The following DGKI variants were observed in gnomAD, a reference collection of about 807,000 sequenced individuals.
The protein encoded by DGKI is DAG kinase iota.
Under a neutral mutation model 147.5 loss-of-function variants are expected in DGKI, and 55 were observed. That is an observed-to-expected ratio of 0.37 (90% confidence interval 0.30 to 0.47). The LOEUF (loss-of-function observed/expected upper bound fraction) is 0.47. DGKI is among the 20% of genes least tolerant of loss of function. The probability of loss-of-function intolerance (pLI) is 1.00; values close to 1 mark genes in which losing one functional copy is unlikely to be tolerated. For synonymous variants in DGKI, 469 were observed against 477.1 expected (o/e 0.98, Z 0.22); for missense variants, 1,007 against 1,323.8 (o/e 0.76, Z 3.71).
At chr7:137,470,623 A>C (rs146531540) in intron 23 of DGKI, among the ~76,000 whole-genome samples, 129 of 152,024 alleles carry the variant, frequency 8.5e-4, no homozygotes, top group African/African-American at 3.0e-3. Flanking sequence ...GCTGGAGTGC[A>C]GTGGTGTGAT....
intron 1 of DGKI, among the ~76,000 whole-genome samples, chr7:137,752,776 T>C (rs1488441814): frequency 6.6e-6 from 1 of 152,158 alleles, no homozygotes; most frequent in Non-Finnish European, 1.5e-5. Context: ...CTTGGGGAGC[T>C]TGGTTTTTGG....
At chr7:137,640,944 TAGGGAACTGATATGGTTTGGCTG>T (rs1351841640) in intron 6 of DGKI, among the ~76,000 whole-genome samples, 1 of 152,212 alleles carries the variant, frequency 6.6e-6, no homozygotes, top group Non-Finnish European at 1.5e-5. Context: ...CATGTTTGGT[TAGGGAACTGATATGGTTTGGCTG>T]TGTCCCCACC....
chr7:137,685,654 T>G (rs749207647), intron 2 of DGKI, among the ~76,000 whole-genome samples: 2 of 152,204 alleles, frequency 1.3e-5, no homozygotes, highest in Non-Finnish European at 2.9e-5. Flanking sequence ...TAATTTAACT[T>G]GTTTTACCCC....
intron 28 of DGKI, among the ~76,000 whole-genome samples, chr7:137,422,718 C>A (rs1812627032): frequency 6.8e-6 from 1 of 148,026 alleles, no homozygotes; most frequent in Non-Finnish European, 1.5e-5. Context: ...AATTCTCCTG[C>A]CTCAGCCTCT....
chr7:137,664,933 C>T (rs982414200), intron 3 of DGKI, among the ~76,000 whole-genome samples: 6 of 152,204 alleles, frequency 3.9e-5, no homozygotes, highest in African/African-American at 1.4e-4. Context: ...GAAGGTTTCA[C>T]TGAATATTTT....
chr7:137,465,842 CA>C, intron 26 of DGKI, 65 bp downstream of exon 26: 1 of 1,559,938 alleles, frequency 6.4e-7, no homozygotes, highest in Non-Finnish European at 8.7e-7. Flanking sequence ...ATGTCAAGTT[CA>C]AAGGCGAACC....
rs116940297 is a variant in DGKI, at chr7:137,481,934, T to C, written c.2373+3440A>G. Among the ~76,000 whole-genome samples the C allele has an allele frequency of 3.7e-3, 569 of 152,214 alleles. 1 individual carries two copies. The highest frequency in any genetic ancestry group is 6.1e-3 in the Non-Finnish European group (416 of 67,970). On this transcript the variant is annotated intron_variant, in intron 23 of 32. Transcript: ENST00000614521. ...TCCAAGCATATTTAATGTCATCTCA[T>C]AGACAAGAAACTTCATTAACAGGCA... is the stretch of plus-strand genomic sequence containing the variant.
chr7:137,668,203 A>T (rs1482554120), intron 3 of DGKI, among the ~76,000 whole-genome samples: 1 of 152,250 alleles, frequency 6.6e-6, no homozygotes, highest in Non-Finnish European at 1.5e-5. Flanking sequence ...ATCTGTTCTC[A>T]TGAGATCCCT....
chr7:137,826,892 TC>T (rs1158549035), intron 1 of DGKI, among the ~76,000 whole-genome samples: 10 of 152,162 alleles, frequency 6.6e-5, no homozygotes, highest in Non-Finnish European at 1.5e-5. Flanking sequence ...TCCGTTATAT[TC>T]CTTTATGTAA....
intron 27 of DGKI, among the ~76,000 whole-genome samples, chr7:137,448,384 A>G (rs374706044): frequency 2.0e-5 from 3 of 151,736 alleles, no homozygotes; most frequent in African/African-American, 4.8e-5. Flanking sequence ...ATGCAAAAAT[A>G]CCAGAGGAGA....
At chr7:137,421,354 G>A (rs112890993) in intron 28 of DGKI, among the ~76,000 whole-genome samples, 2,024 of 139,660 alleles carry the variant, frequency 0.014, 56 homozygotes, top group East Asian at 0.093. Flanking sequence ...TCTCTCTAAT[G>A]ACAGAATTAA....
intron 6 of DGKI, among the ~76,000 whole-genome samples, chr7:137,634,174 G>C (rs369644473): frequency 6.6e-6 from 1 of 152,146 alleles, no homozygotes; most frequent in African/African-American, 2.4e-5. Context: ...CTGGGTTCTG[G>C]AGGCAGCACA....
At position 137,722,185 on chromosome 7, in the gene DGKI, G is replaced by A. The variant is rs184633093; in HGVS notation, c.402-32183C>T. 212 of 1,600,812 alleles carry A rather than the reference G, an allele frequency of 1.3e-4. 1 individual carries two copies. The East Asian group carries it at 3.7e-3, about 28-fold the overall frequency. ...CCGATCTGCTATGTATTCCAGAAAG[G>A]CCATGTACAAGAGGAAGTACTCAGC... On this transcript the variant is annotated intron_variant, in intron 1 of 32. Coordinates refer to ENST00000614521, the MANE Select transcript of DGKI (RefSeq NM_001321708.2).
chr7:137,577,168 T>C (rs1819012111), intron 17 of DGKI, 54 bp downstream of exon 17: 1 of 1,303,908 alleles, frequency 7.7e-7, no homozygotes. Context: ...TGGGAGTTTT[T>C]TGTGGCAGTC....
chr7:137,758,346 G>C (rs1039260540), intron 1 of DGKI, among the ~76,000 whole-genome samples: 1 of 152,054 alleles, frequency 6.6e-6, no homozygotes, highest in Admixed American at 6.6e-5. Context: ...GGAAGGGAGT[G>C]GACTCTCCTC....
At chr7:137,487,122 T>G (rs1815592678) in intron 22 of DGKI, among the ~76,000 whole-genome samples, 2 of 151,870 alleles carry the variant, frequency 1.3e-5, no homozygotes, top group Admixed American at 1.3e-4. Flanking sequence ...AAGACTAGAT[T>G]GAGAAAAAAA....
At chr7:137,495,161 A>G (rs1368356694) in intron 21 of DGKI, among the ~76,000 whole-genome samples, 1 of 152,138 alleles carries the variant, frequency 6.6e-6, no homozygotes, top group Admixed American at 6.6e-5. Flanking sequence ...ACTACTATGA[A>G]TACCTCTCTG....
At chr7:137,764,227 A>T (rs1299745413) in intron 1 of DGKI, among the ~76,000 whole-genome samples, 1 of 152,132 alleles carries the variant, frequency 6.6e-6, no homozygotes, top group African/African-American at 2.4e-5. Flanking sequence ...CACCCTGGGA[A>T]GCTGTGTTTT....
intron 12 of DGKI, among the ~76,000 whole-genome samples, chr7:137,590,942 G>A (rs550827257): frequency 1.3e-5 from 2 of 152,162 alleles, no homozygotes; most frequent in Admixed American, 1.3e-4. Flanking sequence ...AAAGTGATCC[G>A]CCCGCCAAAG....
Sources: allele counts gnomAD v4.1 joint callset (sites outside exome capture counted in the v4.1 genomes callset), GRCh38; gene constraint gnomAD v4.1.1; transcripts MANE v1.5; gene names NCBI Gene and HGNC (gene_info 2026-07-23, HGNC 2026-07-21).